The following F5 variants were observed in gnomAD, a reference collection of about 807,000 sequenced individuals.
F5 encodes activated protein c cofactor.
A neutral mutation model predicts 216.4 loss-of-function variants in F5; 138 were observed. The ratio of observed to expected loss-of-function variants is 0.64; its 90% confidence interval spans 0.56 to 0.73. The LOEUF is 0.73. F5 is among the 30% of genes least tolerant of loss of function. F5 has a pLI of 0.00. For missense variants in F5, 2,403 were observed against 2,674.0 expected (o/e 0.90, Z 2.24); for synonymous variants, 916 against 930.7 (o/e 0.98, Z 0.29).
At chr1:169,544,168 A>C in intron 12 of F5, 128 bp downstream of exon 12, 1 of 749,188 alleles carries the variant, frequency 1.3e-6, no homozygotes, top group East Asian at 2.7e-5. Context: ...GAAACATTGA[A>C]AGAAAAGCCT....
At chr1:169,571,932 GTAT>G (rs2101839792) in intron 3 of F5, among the ~76,000 whole-genome samples, 1 of 152,218 alleles carries the variant, frequency 6.6e-6, no homozygotes, top group South Asian at 2.1e-4. Context: ...TTCAATGTAT[GTAT>G]TATTATTCCC....
chr1:169,549,779 G>C (rs927718704), intron 10 of F5, 22 bp downstream of exon 10: 1 of 1,579,098 alleles, frequency 6.3e-7, no homozygotes, highest in African/African-American at 1.4e-5. Flanking sequence ...ATTTCTGAAA[G>C]GTTACTTCAA....
At chr1:169,524,247 G>A (rs1290124972) in intron 19 of F5, among the ~76,000 whole-genome samples, 1 of 152,230 alleles carries the variant, frequency 6.6e-6, no homozygotes, top group Non-Finnish European at 1.5e-5. Flanking sequence ...ATGACCTCTT[G>A]ATCTTGGGAA....
chr1:169,569,799 C>G (rs796523238), intron 3 of F5, among the ~76,000 whole-genome samples: 58 of 152,086 alleles, frequency 3.8e-4, no homozygotes, highest in African/African-American at 1.4e-3. Flanking sequence ...TATCTTAACC[C>G]CCTACCACCT....
chr1:169,580,987 T>C (rs944680477), intron 2 of F5, among the ~76,000 whole-genome samples: 1 of 152,162 alleles, frequency 6.6e-6, no homozygotes, highest in Non-Finnish European at 1.5e-5. Context: ...TGGGGATGTA[T>C]AGAAGAGGGA....
intron 24 of F5, 49 bp downstream of exon 24, chr1:169,515,395 T>C: frequency 1.3e-6 from 2 of 1,599,958 alleles, no homozygotes; most frequent in African/African-American, 1.3e-5. Context: ...TTATTCTCAT[T>C]ATAGCACAGT....
intron 18 of F5, 130 bp downstream of exon 18, chr1:169,525,771 T>C: frequency 1.3e-6 from 1 of 762,364 alleles, no homozygotes; most frequent in Non-Finnish European, 2.4e-6. Context: ...ATAAAAGCAA[T>C]TATGGCTACA....
At chr1:169,532,993 A>G (rs559930287) in intron 14 of F5, among the ~76,000 whole-genome samples, 1 of 152,098 alleles carries the variant, frequency 6.6e-6, no homozygotes, top group African/African-American at 2.4e-5. Context: ...TAAAGTTACA[A>G]TAACCAAAAT....
chr1:169,528,796 C>T lies in F5; in HGVS notation c.5420-702G>A, dbSNP rs142753412. On this transcript the variant is annotated intron_variant, in intron 16 of 24. Coordinates refer to ENST00000367797, the MANE Select transcript of F5 (RefSeq NM_000130.5). ...AAAGATAAAGTTTAGTGTTACCAAA[C>T]GTTTAACTGAAACCAAAGTGAAGGA... is the stretch of plus-strand genomic sequence containing the variant. Among the ~76,000 whole-genome samples, 11 of 152,204 alleles carry T rather than the reference C, an allele frequency of 7.2e-5. No homozygotes were observed. The South Asian group carries it at 1.9e-3, about 26-fold the overall frequency.
At chr1:169,566,875 T>A (rs1241512130) in intron 3 of F5, among the ~76,000 whole-genome samples, 1 of 152,092 alleles carries the variant, frequency 6.6e-6, no homozygotes, top group African/African-American at 2.4e-5. Flanking sequence ...TTGCAATTAA[T>A]ACAGCCTCTT....
At chr1:169,569,746 G>A (rs902092040) in intron 3 of F5, among the ~76,000 whole-genome samples, 3 of 152,012 alleles carry the variant, frequency 2.0e-5, no homozygotes, top group Non-Finnish European at 4.4e-5. Context: ...GTTATCCAGA[G>A]TTCTCTTATG....
At chr1:169,544,207 G>T in intron 12 of F5, 89 bp downstream of exon 12, 1 of 1,039,834 alleles carries the variant, frequency 9.6e-7, no homozygotes, top group Non-Finnish European at 1.5e-6. Flanking sequence ...ACATAGAGGA[G>T]CACTGGTAGC....
intron 10 of F5, among the ~76,000 whole-genome samples, chr1:169,546,967 A>T (rs1571579410): frequency 2.2e-5 from 1 of 45,664 alleles, no homozygotes; most frequent in African/African-American, 7.7e-5. Flanking sequence ...CGTCTCTACT[A>T]AAAAAAAAAA....
Position 169,541,979 on chromosome 1 carries a change from G to A in F5, c.3111C>T (p.His1037=). Reference sequence around the variant, plus strand: ...TCGGAGATAAAGGAGCATGGTGTGTGTGCTTCTCTTTTTTCTTTTTTCGTG... The same window carrying A: ...TCGGAGATAAAGGAGCATGGTGTGTATGCTTCTCTTTTTTCTTTTTTCGTG... ...IKTRKKKKEK[H]THHAPLSPRT... Residue 1037 remains histidine (H), a synonymous_variant, in exon 13 of 25, where the codon CAC becomes CAT. Coordinates refer to ENST00000367797, the MANE Select transcript of F5 (RefSeq NM_000130.5). 1 of 1,614,038 alleles carries A rather than the reference G, an allele frequency of 6.2e-7. No homozygotes were observed. The highest frequency in any genetic ancestry group is 8.5e-7 in the Non-Finnish European group (1 of 1,180,010).
At position 169,518,578 on chromosome 1, in the gene F5, G is replaced by C; in HGVS notation, c.6194-15C>G. The stretch of plus-strand genomic sequence containing the variant: ...TGTGGAACATCCTATCAAAAGAAAA[G>C]TAACGTGATTAATTACACACCAATA... On this transcript the variant is annotated splice_polypyrimidine_tract_variant and intron_variant, in intron 22 of 24. Transcript: ENST00000367797. 1 of 1,613,468 alleles carries C rather than the reference G, an allele frequency of 6.2e-7. No homozygotes were observed. The highest frequency in any genetic ancestry group is 8.5e-7 in the Non-Finnish European group (1 of 1,179,670).
rs1231367464 is a variant in F5, at chr1:169,586,412, G to C, written c.-26C>G. On this transcript the variant is annotated 5_prime_UTR_variant, in exon 1 of 25. Coordinates refer to ENST00000367797, the MANE Select transcript of F5 (RefSeq NM_000130.5). ...GCTTCCTTTCCTGCTCCCGCTGGCT[G>C]CCACCACCCCAGGACCTGGGCAGCG... 10 of 1,606,622 alleles carry C rather than the reference G, an allele frequency of 6.2e-6. No individual in the cohort carries two copies. Among genetic ancestry groups the C allele is most frequent in the Non-Finnish European group, 8.5e-6 (10 of 1,178,460 alleles).
At position 169,550,685 on chromosome 1, in the gene F5, T is replaced by G; in HGVS notation, c.1351A>C (p.Thr451Pro). The change falls in exon 9 of 25, where the codon ACC becomes CCC. Residue 451 changes from threonine (T) to proline (P), a missense_variant. Physicochemically the swap from Thr to Pro is conservative, Grantham distance 38. This residue lies in a region of F5 where 1,425 missense variants were observed against 1,554.8 expected (regional missense o/e 0.92). Coordinates refer to ENST00000367797, the MANE Select transcript of F5 (RefSeq NM_000130.5). Reference sequence around the variant, plus strand: ...ACTTCATCTTCATAAGGCGAGAAGGTCACTCCATGAGGGTAAATGCTATAG... The same window carrying G: ...ACTTCATCTTCATAAGGCGAGAAGGGCACTCCATGAGGGTAAATGCTATAG... ...RPYSIYPHGV[T>P]FSPYEDEVNS... 6.2e-7 allele frequency: 1 copy of G among 1,614,046 alleles called. No homozygotes were observed. The highest frequency in any genetic ancestry group is 8.5e-7 in the Non-Finnish European group (1 of 1,179,944).
intron 13 of F5, among the ~76,000 whole-genome samples, chr1:169,538,475 A>G (rs920946388): frequency 3.9e-5 from 6 of 152,206 alleles, no homozygotes; most frequent in Admixed American, 1.3e-4. Flanking sequence ...TAAGTGTTCT[A>G]ACCACAAAAA....
At chr1:169,581,351 C>T (rs764655788) in intron 2 of F5, among the ~76,000 whole-genome samples, 6 of 151,400 alleles carry the variant, frequency 4.0e-5, no homozygotes, top group East Asian at 1.9e-4. Context: ...GGAATATAGG[C>T]GAAGAAATGT....
Sources: allele counts gnomAD v4.1 joint callset (sites outside exome capture counted in the v4.1 genomes callset), GRCh38; gene constraint gnomAD v4.1.1; regional missense constraint gnomAD v4.1.1; transcripts MANE v1.5; gene names NCBI Gene and HGNC (gene_info 2026-07-23, HGNC 2026-07-21).